Variants in RNASET2 observed in about 807,000 individuals in gnomAD.
RNASET2 encodes the protein ribonuclease T2.
Under a neutral mutation model 33.9 loss-of-function variants are expected in RNASET2, and 28 were observed. The ratio of observed to expected loss-of-function variants is 0.83; its 90% CI spans 0.61 to 1.13. RNASET2 has a LOEUF of 1.13. RNASET2 is among the 50% of genes most tolerant of loss of function. The probability of loss-of-function intolerance (pLI) is 0.00; values close to 1 mark genes in which losing one functional copy is unlikely to be tolerated. For missense variants in RNASET2, 330 were observed against 319.9 expected, an observed-to-expected ratio of 1.03 and a Z score of -0.24; for synonymous variants, 123 against 121.0, an observed-to-expected ratio of 1.02 and a Z score of -0.11.
intron 8 of RNASET2, among the ~76,000 whole-genome samples, chr6:166,930,502 G>A (rs1177407938): frequency 1.5e-5 from 2 of 137,084 alleles, no homozygotes; most frequent in African/African-American, 2.8e-5. Flanking sequence ...CACACAGCAC[G>A]TTCACATGCA....
rs1337889693 is a variant in RNASET2, at chr6:166,923,733, G to A, written c.*5855C>T. 6.6e-6 allele frequency among the ~76,000 whole-genome samples: 1 copy of A among 152,162 alleles called. No individual in the cohort carries two copies. Among genetic ancestry groups the A allele is most frequent in the South Asian group, 2.1e-4 (1 of 4,830 alleles). On this transcript the variant is annotated 3_prime_UTR_variant, in exon 9 of 9. Coordinates refer to ENST00000508775, the MANE Select transcript of RNASET2 (RefSeq NM_003730.6). Reference sequence around the variant, plus strand: ...CACTACTGCCCCTTCTATGGGAAACGTAGCTCATCCCATAAGCAATGCAAT... The same window carrying A: ...CACTACTGCCCCTTCTATGGGAAACATAGCTCATCCCATAAGCAATGCAAT...
In RNASET2 at chr6:166,927,514, A is replaced by T. The variant is rs1778324653; in HGVS notation, c.*2074T>A. Reference sequence around the variant, plus strand: ...CACACTCATATAATAAATACACGCTACTTAAAAAAAAGAATGGCTTCTTTA... The same window carrying T: ...CACACTCATATAATAAATACACGCTTCTTAAAAAAAAGAATGGCTTCTTTA... On this transcript the variant is annotated 3_prime_UTR_variant, in exon 9 of 9. Transcript: ENST00000508775. Among the ~76,000 whole-genome samples, 1 of 149,344 alleles carries T rather than the reference A, an allele frequency of 6.7e-6. No individual in the cohort carries two copies. Among genetic ancestry groups the T allele is most frequent in the South Asian group, 2.1e-4 (1 of 4,772 alleles).
At chr6:166,950,096 C>T (rs771890758) in intron 2 of RNASET2, among the ~76,000 whole-genome samples, 1 of 152,192 alleles carries the variant, frequency 6.6e-6, no homozygotes. Context: ...CAGGGACACA[C>T]CCACGTTTTG....
chr6:166,923,880 A>G lies in RNASET2; in HGVS notation c.*5708T>C, dbSNP rs547427060. Among the ~76,000 whole-genome samples, 83 of 152,332 alleles carry G rather than the reference A, an allele frequency of 5.4e-4. No homozygotes were observed. The South Asian group carries it at 0.017, about 32-fold the overall frequency. The stretch of plus-strand genomic sequence containing the variant: ...GTATTTTAACTTCTGAGTCTTTTCC[A>G]GCCTTCTGCAGTGATAGATCTAGCC... On this transcript the variant is annotated 3_prime_UTR_variant, in exon 9 of 9. Transcript: ENST00000508775.
intron 8 of RNASET2, 144 bp downstream of exon 8, chr6:166,930,896 GCACA>G (rs1216331013): frequency 2.8e-6 from 2 of 712,074 alleles, no homozygotes; most frequent in African/African-American, 3.5e-5. Flanking sequence ...ACACACACAT[GCACA>G]CACACACCAC....
Position 166,933,275 on chromosome 6 carries a change from C to A in RNASET2, c.492+816G>T, listed in dbSNP as rs1329315678. 1 of 152,226 alleles carries A rather than the reference C, an allele frequency of 6.6e-6. No individual in the cohort carries two copies. The highest frequency in any genetic ancestry group is 1.5e-5 in the Non-Finnish European group (1 of 68,048). 9.4% of individuals were successfully genotyped at this position (152,226 alleles called of 1,614,324 possible). On this transcript the variant is annotated intron_variant, in intron 7 of 8. Coordinates refer to ENST00000508775, the MANE Select transcript of RNASET2 (RefSeq NM_003730.6). This position sits in a 1 kb window ranked among gnomAD's most constrained non-coding sequence, Gnocchi z 4.1. ...CACATCGGTCCCTACTGCAGCTACA[C>A]CATGGGAGCACAAGCATCCCCAGGT...
At position 166,927,723 on chromosome 6, in the gene RNASET2, A is replaced by AAAAAAAAAAG. The variant is rs1778329309; in HGVS notation, c.*1864_*1865insCTTTTTTTTT. On this transcript the variant is annotated 3_prime_UTR_variant, in exon 9 of 9. Coordinates refer to ENST00000508775, the MANE Select transcript of RNASET2 (RefSeq NM_003730.6). The stretch of plus-strand genomic sequence containing the variant: ...GTTCGCAAAATGACTCAAAAAAAAA[A>AAAAAAAAAAG]AAAAAAAAAAAAAGAATTGACATCA... 6.6e-6 allele frequency among the ~76,000 whole-genome samples: 1 copy of AAAAAAAAAAG among 151,364 alleles called. No individual in the cohort carries two copies. The highest frequency in any genetic ancestry group is 2.4e-5 in the African/African-American group (1 of 41,206).
At chr6:166,949,991 T>C (rs141405177) in intron 2 of RNASET2, among the ~76,000 whole-genome samples, 94 of 152,360 alleles carry the variant, frequency 6.2e-4, no homozygotes, top group African/African-American at 2.2e-3. Flanking sequence ...AATACACTCC[T>C]TAACAAGGAC....
chr6:166,952,363 C>T lies in RNASET2; in HGVS notation c.147+125G>A, dbSNP rs939668801. ...GGCAGTCTCTGCAGGAGACACCGCC[C>T]ACCCGCCAGAGCGATGCCTACCTCC... On this transcript the variant is annotated intron_variant, in intron 2 of 8. Coordinates refer to ENST00000508775, the MANE Select transcript of RNASET2 (RefSeq NM_003730.6). The T allele has an allele frequency of 1.1e-4, 93 of 850,676 alleles. 1 individual carries two copies. The African/African-American group carries it at 1.3e-3, about 12-fold the overall frequency. The allele number at this position is 850,676 out of a possible 1,614,324, so 52.7% of individuals were successfully genotyped here. A position where few individuals can be genotyped will look rare whatever the true frequency, so the allele number is the denominator to read the frequency against.
At chr6:166,952,375 C>T (rs13215795) in intron 2 of RNASET2, 113 bp downstream of exon 2, 33 of 929,322 alleles carry the variant, frequency 3.6e-5, no homozygotes, top group South Asian at 6.5e-5. Flanking sequence ...CCCGCCAGAG[C>T]GATGCCTACC....
chr6:166,933,646 C>A lies in RNASET2; in HGVS notation c.492+445G>T. 1 of 193,562 alleles carries A rather than the reference C, an allele frequency of 5.2e-6. No homozygotes were observed. Among genetic ancestry groups the A allele is most frequent in the Non-Finnish European group, 1.1e-5 (1 of 93,878 alleles). The allele number at this position is 193,562 out of a possible 1,614,324, so 12.0% of individuals were successfully genotyped here. ...GATTTATAGGCGTGAGTCACCACACCTGGCAAAAAGCAACTTTTTGTATAT... is the reference window on the plus strand; with the variant it reads ...GATTTATAGGCGTGAGTCACCACACATGGCAAAAAGCAACTTTTTGTATAT... On this transcript the variant is annotated intron_variant, in intron 7 of 8. Transcript: ENST00000508775. The surrounding 1 kb of genome is among the most constrained non-coding windows in gnomAD (Gnocchi z 4.1).
chr6:166,923,404 G>C lies in RNASET2; in HGVS notation c.*6184C>G, dbSNP rs965860911. On this transcript the variant is annotated 3_prime_UTR_variant, in exon 9 of 9. Coordinates refer to ENST00000508775, the MANE Select transcript of RNASET2 (RefSeq NM_003730.6). Reference sequence around the variant, plus strand: ...ACACCCAGCTAATGTATTTTTAGTAGAGATAGGGTTTCGTCCTGTTGGCCA... The same window carrying C: ...ACACCCAGCTAATGTATTTTTAGTACAGATAGGGTTTCGTCCTGTTGGCCA... Among the ~76,000 whole-genome samples the C allele has an allele frequency of 6.6e-6, 1 of 151,836 alleles. No individual in the cohort carries two copies. The highest frequency in any genetic ancestry group is 2.4e-5 in the African/African-American group (1 of 41,278).
chr6:166,956,214 T>C lies in RNASET2; in HGVS notation c.-32A>G, dbSNP rs886061243. ...GACCTGCGGAGAGAACGCTGCCAGC[T>C]GCCGCTCCGGCTCCCACTTCCCACC... On this transcript the variant is annotated 5_prime_UTR_variant, in exon 1 of 9. Transcript: ENST00000508775. 3.3e-6 allele frequency: 5 copies of C among 1,534,744 alleles called. No individual in the cohort carries two copies. The East Asian group carries it at 9.8e-5, about 30-fold the overall frequency.
intron 1 of RNASET2, 94 bp from the exon 2 acceptor site, chr6:166,952,642 G>T: frequency 1.1e-6 from 1 of 941,486 alleles, no homozygotes; most frequent in Non-Finnish European, 1.7e-6. Context: ...CATTCATTCA[G>T]CACTGAGTGC....
Position 166,925,100 on chromosome 6 carries a change from A to C in RNASET2, c.*4488T>G, listed in dbSNP as rs1381679496. On this transcript the variant is annotated 3_prime_UTR_variant, in exon 9 of 9. Transcript: ENST00000508775. The stretch of plus-strand genomic sequence containing the variant: ...GGCATTCTCCCTGCCGTCTAGCCCA[A>C]AACCGGAACAGCACAGCCCTCACCT... 1.4e-5 allele frequency among the ~76,000 whole-genome samples: 2 copies of C among 144,780 alleles called. No individual in the cohort carries two copies. The highest frequency in any genetic ancestry group is 4.1e-4 in the East Asian group (2 of 4,886). The allele number at this position is 144,780 out of a possible 152,430, so 95.0% of individuals were successfully genotyped here.
At chr6:166,954,260 G>GA (rs1201500561) in intron 1 of RNASET2, among the ~76,000 whole-genome samples, 20 of 152,206 alleles carry the variant, frequency 1.3e-4, no homozygotes, top group African/African-American at 4.6e-4. Context: ...CTCGTGGTCT[G>GA]AATCAACCAT....
intron 5 of RNASET2, among the ~76,000 whole-genome samples, chr6:166,942,354 CT>C (rs1031982101): frequency 3.9e-5 from 6 of 151,998 alleles, no homozygotes; most frequent in African/African-American, 1.4e-4. Flanking sequence ...TGCCTGGTCT[CT>C]TTTTTCTTAA....
intron 6 of RNASET2, 55 bp downstream of exon 6, chr6:166,938,839 TG>T: frequency 2.4e-6 from 3 of 1,262,708 alleles, no homozygotes; most frequent in South Asian, 2.4e-5. Context: ...CTGTCAGGCT[TG>T]GGCGACAGCA....
rs1185422089 is a variant in RNASET2 at position 166,923,944 on chromosome 6, C to A, written c.*5644G>T. ...TCTGAAAATATTTTACATTACAATT[C>A]TCAGCTGCCTTAGGACCTGCATTAA... On this transcript the variant is annotated 3_prime_UTR_variant, in exon 9 of 9. Transcript: ENST00000508775. Among the ~76,000 whole-genome samples, 1 of 152,208 alleles carries A rather than the reference C, an allele frequency of 6.6e-6. No homozygotes were observed. Among genetic ancestry groups the A allele is most frequent in the African/African-American group, 2.4e-5 (1 of 41,442 alleles).
Sources: gnomAD v4.1 joint callset for allele counts (sites outside exome capture counted in the v4.1 genomes callset) on GRCh38, gnomAD v4.1.1 for gene constraint, Gnocchi (gnomAD v3.1) non-coding constraint, MANE v1.5 for transcripts, NCBI Gene and HGNC (gene_info 2026-07-23, HGNC 2026-07-21) for gene names.